Variants in ELAVL4 observed in about 807,000 individuals in gnomAD.
ELAVL4 encodes the protein ELAV like RNA binding protein 4, also known as ELAV-like protein 4.
A neutral mutation model predicts 35.6 loss-of-function variants in ELAVL4; 1 was observed. The observed-to-expected ratio is 0.03, with a 90% CI of 0.01 to 0.13. The LOEUF (loss-of-function observed/expected upper bound fraction) is 0.13, where lower values mean the gene tolerates loss of function less well. Among genes scored for constraint, ELAVL4 ranks in the 10% least tolerant of loss-of-function variants. ELAVL4 has a pLI of 1.00. For synonymous variants in ELAVL4, 156 were observed against 171.0 expected, an observed-to-expected ratio of 0.91 and a Z score of 0.69; for missense variants, 267 against 464.9, an observed-to-expected ratio of 0.57 and a Z score of 3.91.
intron 2 of ELAVL4, among the ~76,000 whole-genome samples, chr1:50,163,851 C>T (rs1010697986): frequency 4.6e-5 from 7 of 152,148 alleles, no homozygotes; most frequent in African/African-American, 7.2e-5. Flanking sequence ...AACAAACAAC[C>T]GCATGCTCTC....
chr1:50,199,942 A>G (rs923813886), intron 6 of ELAVL4, among the ~76,000 whole-genome samples: 1 of 152,200 alleles, frequency 6.6e-6, no homozygotes, highest in African/African-American at 2.4e-5. Flanking sequence ...AGATTTCTAA[A>G]CCTAATACAA....
At chr1:50,186,455 G>A (rs1488533316) in intron 3 of ELAVL4, among the ~76,000 whole-genome samples, 2 of 152,148 alleles carry the variant, frequency 1.3e-5, no homozygotes, top group Non-Finnish European at 2.9e-5. Flanking sequence ...GGGAGGTAGG[G>A]TAAGTGTAAC....
chr1:50,195,813 C>T, intron 5 of ELAVL4, 27 bp downstream of exon 5: 1 of 1,612,720 alleles, frequency 6.2e-7, no homozygotes, highest in Non-Finnish European at 8.5e-7. Context: ...AGGAAGAAGC[C>T]CTGCTACAGG....
chr1:50,144,927 G>C (rs762762550), intron 1 of ELAVL4, 30 bp from the exon 2 acceptor site: 12 of 1,594,838 alleles, frequency 7.5e-6, no homozygotes, highest in African/African-American at 4.1e-5. Context: ...ATTTCAAAAG[G>C]CTTTTTCAAT....
chr1:50,182,075 C>A (rs1681125885), intron 3 of ELAVL4, among the ~76,000 whole-genome samples: 1 of 152,254 alleles, frequency 6.6e-6, no homozygotes, highest in Non-Finnish European at 1.5e-5. Flanking sequence ...TACTCCTTGA[C>A]CCCACACCTG....
chr1:50,192,621 C>A (rs1682845824), intron 3 of ELAVL4, among the ~76,000 whole-genome samples: 1 of 150,214 alleles, frequency 6.7e-6, no homozygotes, highest in Non-Finnish European at 1.5e-5. Context: ...TTAAATAGAA[C>A]TTCCAACTGA....
At chr1:50,074,911 G>T (rs1419360466) in intron 1 of ELAVL4, among the ~76,000 whole-genome samples, 5 of 152,104 alleles carry the variant, frequency 3.3e-5, no homozygotes, top group Non-Finnish European at 7.3e-5. Flanking sequence ...TCCTCATAGA[G>T]CTTATAATCT....
chr1:50,128,637 A>G (rs547513888), intron 1 of ELAVL4, among the ~76,000 whole-genome samples: 72 of 152,234 alleles, frequency 4.7e-4, no homozygotes, highest in Non-Finnish European at 8.5e-4. Context: ...GGTAAGAGCC[A>G]TGATGGGGGA....
intron 6 of ELAVL4, among the ~76,000 whole-genome samples, chr1:50,198,906 G>T (rs1644228429): frequency 6.6e-6 from 1 of 152,190 alleles, no homozygotes; most frequent in Non-Finnish European, 1.5e-5. Flanking sequence ...GGCTGTACTT[G>T]CAATCTCTTT....
intron 1 of ELAVL4, among the ~76,000 whole-genome samples, chr1:50,056,740 T>G (rs1663694695): frequency 6.6e-6 from 1 of 152,218 alleles, no homozygotes; most frequent in Non-Finnish European, 1.5e-5. Context: ...GAGACCATCC[T>G]GGCTAACACG....
intron 1 of ELAVL4, among the ~76,000 whole-genome samples, chr1:50,065,689 A>G (rs1353740897): frequency 1.3e-5 from 2 of 152,210 alleles, no homozygotes; most frequent in Non-Finnish European, 2.9e-5. Flanking sequence ...GGTTTGAAAC[A>G]GTGAATGTTT....
rs1644003408 is a variant in ELAVL4, at chr1:50,195,564, T to C, written c.512T>C (p.Val171Ala). ...AAGGCTCTTTCTCTTTCCCCAGGAG[T>C]GTCCAGAGGGGTGGGATTCATCCGC... is the stretch of plus-strand genomic sequence containing the variant. ...SRILVDQVTGVSRGVGFIRFD... is the reference protein window; with the variant it reads ...SRILVDQVTGASRGVGFIRFD... Residue 171 changes from valine to alanine, a missense_variant, in exon 5 of 7, where the codon GTG becomes GCG. Around this residue, in one of 2 missense-constraint regions of ELAVL4, gnomAD observed 216 missense variants for 409.5 expected, o/e 0.53. Coordinates refer to ENST00000371824, the MANE Select transcript of ELAVL4 (RefSeq NM_001144774.3). The C allele has an allele frequency of 6.2e-7, 1 of 1,613,850 alleles. No individual in the cohort carries two copies. The highest frequency in any genetic ancestry group is 8.5e-7 in the Non-Finnish European group (1 of 1,179,886).
At chr1:50,191,681 G>A (rs138320919) in intron 3 of ELAVL4, among the ~76,000 whole-genome samples, 1 of 152,104 alleles carries the variant, frequency 6.6e-6, no homozygotes, top group Non-Finnish European at 1.5e-5. Flanking sequence ...CACTGCTGGG[G>A]AGATTTTTAG....
chr1:50,156,700 T>C (rs972226557), intron 2 of ELAVL4, among the ~76,000 whole-genome samples: 2 of 152,148 alleles, frequency 1.3e-5, no homozygotes, highest in Non-Finnish European at 2.9e-5. Context: ...AAACCAAGGT[T>C]CCTGGAGTTT....
At chr1:50,071,018 A>C (rs12743264) in intron 1 of ELAVL4, among the ~76,000 whole-genome samples, 1 of 152,086 alleles carries the variant, frequency 6.6e-6, no homozygotes, top group Non-Finnish European at 1.5e-5. Context: ...AGGATGTCCA[A>C]CTGGCTCCTT....
At chr1:50,094,327 T>C (rs1169688490) in intron 1 of ELAVL4, among the ~76,000 whole-genome samples, 7 of 152,322 alleles carry the variant, frequency 4.6e-5, no homozygotes, top group African/African-American at 1.7e-4. Flanking sequence ...GTCTGCTGGG[T>C]ACCACTTTAT....
At chr1:50,090,130 G>C (rs1024984392) in intron 1 of ELAVL4, among the ~76,000 whole-genome samples, 2 of 152,154 alleles carry the variant, frequency 1.3e-5, no homozygotes, top group African/African-American at 4.8e-5. Flanking sequence ...GAATGACAGA[G>C]GCTAAACAGG....
At chr1:50,150,841 C>T (rs545346692) in intron 2 of ELAVL4, among the ~76,000 whole-genome samples, 10 of 152,170 alleles carry the variant, frequency 6.6e-5, no homozygotes, top group Admixed American at 1.3e-4. Flanking sequence ...TCTTACAACA[C>T]CCAGCAGACA....
At chr1:50,131,204 C>T (rs893140640) in intron 1 of ELAVL4, among the ~76,000 whole-genome samples, 1 of 152,012 alleles carries the variant, frequency 6.6e-6, no homozygotes, top group African/African-American at 2.4e-5. Flanking sequence ...TAAATTAATT[C>T]TAAAAGGGTC....
Sources: allele counts gnomAD v4.1 joint callset (sites outside exome capture counted in the v4.1 genomes callset), GRCh38; gene constraint gnomAD v4.1.1; regional missense constraint gnomAD v4.1.1; transcripts MANE v1.5; gene names NCBI Gene and HGNC (gene_info 2026-07-23, HGNC 2026-07-21).